The following SLC39A12 variants were observed in gnomAD, a reference collection of about 807,000 sequenced individuals.
The protein encoded by SLC39A12 is solute carrier family 39 member 12.
A neutral mutation model predicts 71.1 loss-of-function variants in SLC39A12; 63 were observed. The observed-to-expected ratio is 0.89, with a 90% confidence interval of 0.72 to 1.09. The LOEUF (loss-of-function observed/expected upper bound fraction) is 1.09, where lower values mean the gene tolerates loss of function less well. Among genes scored for constraint, SLC39A12 ranks in the 50% least tolerant of loss-of-function variants. SLC39A12 has a pLI of 0.00. For missense variants in SLC39A12, 892 were observed against 812.6 expected (o/e 1.10, Z -1.19); for synonymous variants, 351 against 301.3 (o/e 1.16, Z -1.71).
chr10:17,961,572 C>T lies in SLC39A12; in HGVS notation c.262-9C>T, dbSNP rs551506871. 9.4e-6 allele frequency: 15 copies of T among 1,596,670 alleles called. No individual in the cohort carries two copies. Among genetic ancestry groups the T allele is most frequent in the Middle Eastern group, 1.9e-4 (1 of 5,136 alleles). On this transcript the variant is annotated splice_polypyrimidine_tract_variant and intron_variant, in intron 2 of 12. Transcript: ENST00000377369. Reference sequence around the variant, plus strand: ...TTTCTTTTGTTGTTGTTATTGTTTTCTTCCACAGTGCTTTGAACCAGATGC... The same window carrying T: ...TTTCTTTTGTTGTTGTTATTGTTTTTTTCCACAGTGCTTTGAACCAGATGC...
At chr10:17,972,794 T>C (rs1276981190) in intron 4 of SLC39A12, among the ~76,000 whole-genome samples, 1 of 151,988 alleles carries the variant, frequency 6.6e-6, no homozygotes, top group African/African-American at 2.4e-5. Context: ...TCTATTCTGC[T>C]AGTCTGTGTC....
At chr10:18,034,571 A>G (rs10443982) in intron 12 of SLC39A12, among the ~76,000 whole-genome samples, 105,920 of 149,474 alleles carry the variant, frequency 0.71, 37,824 homozygotes, top group African/African-American at 0.74. Flanking sequence ...TCCTGAATAC[A>G]GCACACTGAT....
intron 8 of SLC39A12, among the ~76,000 whole-genome samples, chr10:17,992,817 A>G (rs979039580): frequency 1.3e-5 from 2 of 152,222 alleles, no homozygotes; most frequent in Non-Finnish European, 2.9e-5. Flanking sequence ...TGTTTTAGGA[A>G]CTGCAAATGC....
At chr10:17,996,823 C>A (rs946863622) in intron 10 of SLC39A12, among the ~76,000 whole-genome samples, 2 of 151,912 alleles carry the variant, frequency 1.3e-5, no homozygotes, top group Non-Finnish European at 2.9e-5. Context: ...TGGTGAAACC[C>A]CGTCTCTACT....
At chr10:17,969,364 C>T (rs549855) in intron 4 of SLC39A12, among the ~76,000 whole-genome samples, 50,480 of 151,950 alleles carry the variant, frequency 0.33, 8,684 homozygotes, top group Admixed American at 0.39. Flanking sequence ...AGAAACCTCC[C>T]GATCGTTCTC....
intron 10 of SLC39A12, among the ~76,000 whole-genome samples, chr10:17,997,605 G>A (rs978366350): frequency 6.6e-6 from 1 of 152,082 alleles, no homozygotes; most frequent in Non-Finnish European, 1.5e-5. Flanking sequence ...ACATTTTATA[G>A]GCCTCTTACC....
intron 12 of SLC39A12, among the ~76,000 whole-genome samples, chr10:18,035,624 A>G (rs959388460): frequency 3.3e-5 from 5 of 152,238 alleles, no homozygotes; most frequent in East Asian, 3.9e-4. Flanking sequence ...TAATTTGATC[A>G]TCTGAAGCCT....
intron 7 of SLC39A12, among the ~76,000 whole-genome samples, chr10:17,990,605 T>G (rs919080632): frequency 1.3e-5 from 2 of 152,094 alleles, no homozygotes; most frequent in East Asian, 3.9e-4. Context: ...CATACCCTTT[T>G]GTGTCCCAGA....
intron 3 of SLC39A12, among the ~76,000 whole-genome samples, chr10:17,964,758 GGCAGCAGA>G (rs1410809979): frequency 6.6e-6 from 1 of 152,218 alleles, no homozygotes; most frequent in Non-Finnish European, 1.5e-5. Context: ...GATGACGCAA[GGCAGCAGA>G]GCCTGTGTGA....
In SLC39A12 at chr10:17,961,804, A is replaced by G. The variant is rs782039964; in HGVS notation, c.485A>G (p.Asn162Ser). 1.9e-6 allele frequency: 3 copies of G among 1,614,006 alleles called. No individual in the cohort carries two copies. Among genetic ancestry groups the G allele is most frequent in the South Asian group, 2.2e-5 (2 of 91,078 alleles). Residue 162 changes from asparagine to serine, a missense_variant, in exon 3 of 13, where the codon AAT becomes AGT. Coordinates refer to ENST00000377369, the MANE Select transcript of SLC39A12 (RefSeq NM_001145195.2). ...GAAGATTCCTCTTTCCTTTCACAGA[A>G]TGAGACAGAAGATATCTTGGCTTTC... ...QDEDSSFLSQ[N>S]ETEDILAFTR...
At chr10:18,036,281 T>A (rs1837013168) in intron 12 of SLC39A12, among the ~76,000 whole-genome samples, 1 of 152,198 alleles carries the variant, frequency 6.6e-6, no homozygotes, top group Non-Finnish European at 1.5e-5. Flanking sequence ...CTCAGACTGC[T>A]GTGCCAGTAA....
At chr10:18,035,825 C>A (rs556336420) in intron 12 of SLC39A12, among the ~76,000 whole-genome samples, 19 of 152,144 alleles carry the variant, frequency 1.2e-4, no homozygotes, top group African/African-American at 3.9e-4. Context: ...GATGGGTTTT[C>A]GGTGTGGATG....
At chr10:17,960,017 A>G (rs1554848196) in intron 2 of SLC39A12, among the ~76,000 whole-genome samples, 2 of 152,226 alleles carry the variant, frequency 1.3e-5, no homozygotes, top group Admixed American at 6.5e-5. Context: ...TGAAAACTCC[A>G]AAGAAGTGGT....
intron 10 of SLC39A12, among the ~76,000 whole-genome samples, chr10:17,997,300 C>T (rs1247330161): frequency 1.3e-5 from 2 of 152,126 alleles, no homozygotes. Context: ...GACCAAACAC[C>T]ATTATAACAA....
At chr10:18,033,085 C>T (rs1453880928) in intron 12 of SLC39A12, among the ~76,000 whole-genome samples, 1 of 149,710 alleles carries the variant, frequency 6.7e-6, no homozygotes, top group Non-Finnish European at 1.5e-5. Context: ...CATCAATGTT[C>T]ATCAAGGATA....
At chr10:18,022,782 G>A (rs1046719826) in intron 12 of SLC39A12, among the ~76,000 whole-genome samples, 2 of 152,142 alleles carry the variant, frequency 1.3e-5, no homozygotes, top group African/African-American at 2.4e-5. Flanking sequence ...TAACTGTGGT[G>A]TAATTTGAGC....
intron 6 of SLC39A12, among the ~76,000 whole-genome samples, chr10:17,986,055 A>C (rs959545025): frequency 1.3e-5 from 2 of 152,190 alleles, no homozygotes; most frequent in African/African-American, 4.8e-5. Flanking sequence ...GTTCTTCCAA[A>C]ACGTGTACTC....
intron 6 of SLC39A12, among the ~76,000 whole-genome samples, chr10:17,986,428 C>A (rs1589232334): frequency 6.6e-6 from 1 of 152,148 alleles, no homozygotes; most frequent in East Asian, 1.9e-4. Context: ...AGTCCAAGAT[C>A]AAGGCATCAG....
chr10:18,031,318 T>C (rs1337118510), intron 12 of SLC39A12, among the ~76,000 whole-genome samples: 3 of 145,130 alleles, frequency 2.1e-5, no homozygotes, highest in East Asian at 2.0e-4. Flanking sequence ...TGTTGTTTCC[T>C]GACTGTTTAA....
Sources: allele counts gnomAD v4.1 joint callset (sites outside exome capture counted in the v4.1 genomes callset), GRCh38; gene constraint gnomAD v4.1.1; transcripts MANE v1.5; gene names NCBI Gene and HGNC (gene_info 2026-07-23, HGNC 2026-07-21).